Variants in SLC5A4 observed in about 807,000 individuals in gnomAD.
The protein encoded by SLC5A4 is solute carrier family 5 member 4, also known as probable glucose sensor protein SLC5A4.
SLC5A4 carries 55 observed loss-of-function variants against 70.3 expected under a neutral mutation model. The observed-to-expected ratio is 0.78, with a 90% CI of 0.63 to 0.98. The LOEUF is 0.98. Ranked by LOEUF, SLC5A4 falls within the 50% of genes least tolerant of loss-of-function variation. The pLI is 0.00. For missense variants in SLC5A4, 735 were observed against 839.2 expected (o/e 0.88, Z 1.53); for synonymous variants, 268 against 305.7 (o/e 0.88, Z 1.29).
the SLC5A4 span, chr22:32,327,086 T>G: frequency 1.3e-5 from 2 of 152,224 alleles, no homozygotes; most frequent in Non-Finnish European, 2.9e-5. Flanking sequence ...ACTGCATTTG[T>G]GATAGTTTAT....
chr22:32,322,480 G>A, the SLC5A4 span, among the ~76,000 whole-genome samples: 1 of 152,028 alleles, frequency 6.6e-6, no homozygotes, highest in East Asian at 1.9e-4. Context: ...AGCTACTCAG[G>A]AGGCTGAGGC....
chr22:32,242,553 C>CA (rs1230425051), intron 5 of SLC5A4, among the ~76,000 whole-genome samples: 2 of 151,944 alleles, frequency 1.3e-5, no homozygotes, highest in Non-Finnish European at 2.9e-5. Context: ...ACTAAAAATA[C>CA]AAAAAATTAG....
the SLC5A4 span, chr22:32,270,503 A>T: frequency 2.7e-6 from 2 of 730,948 alleles, no homozygotes; most frequent in South Asian, 3.1e-5. Context: ...GAAGCGGACA[A>T]TGACCACCGC....
At chr22:32,315,755 G>A in the SLC5A4 span, among the ~76,000 whole-genome samples, 1 of 142,898 alleles carries the variant, frequency 7.0e-6, no homozygotes. Context: ...AAATGCATCT[G>A]CCATATCTGT....
intron 5 of SLC5A4, among the ~76,000 whole-genome samples, chr22:32,244,210 A>C (rs916727428): frequency 6.6e-6 from 1 of 152,218 alleles, no homozygotes; most frequent in Non-Finnish European, 1.5e-5. Flanking sequence ...AGGAATACCA[A>C]CTAATATTGA....
At chr22:32,261,167 A>G in the SLC5A4 span, among the ~76,000 whole-genome samples, 8 of 151,932 alleles carry the variant, frequency 5.3e-5, no homozygotes, top group Non-Finnish European at 1.2e-4. Context: ...TGCACAGGGG[A>G]GAACGCTCAC....
chr22:32,254,675 A>G (rs1048451893), intron 1 of SLC5A4, among the ~76,000 whole-genome samples: 1 of 152,008 alleles, frequency 6.6e-6, no homozygotes, highest in African/African-American at 2.4e-5. Context: ...GTGGTGGCGC[A>G]TGCCTGTAGT....
At chr22:32,298,943 G>C in the SLC5A4 span, among the ~76,000 whole-genome samples, 5 of 108,724 alleles carry the variant, frequency 4.6e-5, no homozygotes, top group African/African-American at 7.1e-5. Flanking sequence ...TGAAATTCTG[G>C]GTTGAAAATT....
chr22:32,326,409 A>T, the SLC5A4 span, among the ~76,000 whole-genome samples: 1 of 151,884 alleles, frequency 6.6e-6, no homozygotes, highest in African/African-American at 2.4e-5. Flanking sequence ...GGCACCCAAC[A>T]CCATGCCCAG....
chr22:32,330,551 ATGTTTTGGGCTCTGTGTG>A, the SLC5A4 span, among the ~76,000 whole-genome samples: 1 of 59,906 alleles, frequency 1.7e-5, no homozygotes, highest in African/African-American at 6.9e-5. Context: ...TCTGGTGTGT[ATGTTTTGGGCTCTGTGTG>A]TGTTGGGGGC....
At chr22:32,349,744 T>TA in the SLC5A4 span, among the ~76,000 whole-genome samples, 1 of 152,218 alleles carries the variant, frequency 6.6e-6, no homozygotes, top group Non-Finnish European at 1.5e-5. Flanking sequence ...ACATCACACA[T>TA]ACAGCACTTC....
the SLC5A4 span, chr22:32,271,252 C>G: frequency 1.3e-6 from 1 of 794,874 alleles, no homozygotes; most frequent in Non-Finnish European, 2.2e-6. Context: ...GCAGCGGGTC[C>G]TCATGGACAG....
the SLC5A4 span, among the ~76,000 whole-genome samples, chr22:32,347,711 G>A: frequency 1.7e-5 from 2 of 115,946 alleles, no homozygotes; most frequent in Non-Finnish European, 3.5e-5. Flanking sequence ...GTTGTGGGGT[G>A]GGGGGAGGGG....
At chr22:32,298,202 G>A in the SLC5A4 span, among the ~76,000 whole-genome samples, 1 of 145,556 alleles carries the variant, frequency 6.9e-6, no homozygotes, top group Non-Finnish European at 1.5e-5. Flanking sequence ...CAATTCCTGG[G>A]TATCCTTGTT....
At chr22:32,324,633 A>C in the SLC5A4 span, among the ~76,000 whole-genome samples, 1 of 152,182 alleles carries the variant, frequency 6.6e-6, no homozygotes. Flanking sequence ...CCTGTACCAC[A>C]CAGCACCGTA....
chr22:32,278,574 T>C, the SLC5A4 span, among the ~76,000 whole-genome samples: 2 of 152,222 alleles, frequency 1.3e-5, no homozygotes, highest in African/African-American at 4.8e-5. Flanking sequence ...CTTTAAGTTT[T>C]GGGAAAATAT....
the SLC5A4 span, among the ~76,000 whole-genome samples, chr22:32,306,163 TTATAAAAATTACTG>T: frequency 1.3e-5 from 2 of 152,152 alleles, no homozygotes; most frequent in African/African-American, 2.4e-5. Context: ...AGGGACATTG[TTATAAAAATTACTG>T]TATATAGGCC....
At chr22:32,298,179 G>C in the SLC5A4 span, among the ~76,000 whole-genome samples, 1 of 147,262 alleles carries the variant, frequency 6.8e-6, no homozygotes, top group Non-Finnish European at 1.5e-5. Flanking sequence ...TCCGCTTGGT[G>C]CAGAGCTGAG....
chr22:32,270,784 G>T, the SLC5A4 span: 1 of 608,856 alleles, frequency 1.6e-6, no homozygotes, highest in South Asian at 1.6e-5. Context: ...CATCATGAGT[G>T]CCGACGGCCG....
Sources: allele counts gnomAD v4.1 joint callset (sites outside exome capture counted in the v4.1 genomes callset), GRCh38; gene constraint gnomAD v4.1.1; transcripts MANE v1.5; gene names NCBI Gene and HGNC (gene_info 2026-07-23, HGNC 2026-07-21).